The following RPTOR variants were observed in gnomAD, a reference collection of about 807,000 sequenced individuals.
The protein encoded by RPTOR is regulatory associated protein of MTOR complex 1.
Under a neutral mutation model 169.9 loss-of-function variants are expected in RPTOR, and 21 were observed. The observed-to-expected ratio is 0.12, with a 90% confidence interval of 0.09 to 0.18. RPTOR has a LOEUF of 0.18. Among genes scored for constraint, RPTOR ranks in the 10% least tolerant of loss-of-function variants. The pLI is 1.00. For synonymous variants in RPTOR, 732 were observed against 753.2 expected, an observed-to-expected ratio of 0.97 and a Z score of 0.46; for missense variants, 1,133 against 1,855.9, an observed-to-expected ratio of 0.61 and a Z score of 7.16.
intron 3 of RPTOR, among the ~76,000 whole-genome samples, chr17:80,693,588 C>T (rs2066011046): frequency 6.6e-6 from 1 of 152,190 alleles, no homozygotes; most frequent in South Asian, 2.1e-4. Context: ...TGGGCAGACA[C>T]GTGTTGAGAA....
chr17:80,782,225 C>G (rs142075080), intron 6 of RPTOR, among the ~76,000 whole-genome samples: 2 of 152,044 alleles, frequency 1.3e-5, no homozygotes, highest in Non-Finnish European at 2.9e-5. Context: ...TGTGAACACA[C>G]GTGGAAATTG....
intron 9 of RPTOR, among the ~76,000 whole-genome samples, chr17:80,828,468 C>T (rs1276746057): frequency 3.9e-5 from 6 of 152,242 alleles, no homozygotes; most frequent in Non-Finnish European, 1.5e-5. Context: ...TGGTGACTCC[C>T]ACGCTTCGAT....
intron 1 of RPTOR, among the ~76,000 whole-genome samples, chr17:80,592,286 T>G (rs2065113217): frequency 6.6e-6 from 1 of 152,136 alleles, no homozygotes; most frequent in Non-Finnish European, 1.5e-5. Context: ...TAAATACAAC[T>G]CAGGTGTGCT....
At chr17:80,710,301 G>T (rs572728763) in intron 4 of RPTOR, among the ~76,000 whole-genome samples, 1 of 152,122 alleles carries the variant, frequency 6.6e-6, no homozygotes, top group Non-Finnish European at 1.5e-5. Flanking sequence ...GCTCCCAGTT[G>T]TGCTTTTTAT....
In RPTOR at chr17:80,931,875, G is replaced by A. The variant is rs183587357; in HGVS notation, c.2919+6395G>A. On this transcript the variant is annotated intron_variant, in intron 24 of 33. Coordinates refer to ENST00000306801, the MANE Select transcript of RPTOR (RefSeq NM_020761.3). ...GGCACAGCAGTCGAGCTGTAGCAGGGGCACAGGAGCATAGAGAGAGAAGCC... is the reference window on the plus strand; with the variant it reads ...GGCACAGCAGTCGAGCTGTAGCAGGAGCACAGGAGCATAGAGAGAGAAGCC... Among the ~76,000 whole-genome samples the A allele has an allele frequency of 7.0e-3, 1,055 of 150,050 alleles. 17 individuals carry two copies. The highest frequency in any genetic ancestry group is 0.025 in the African/African-American group (1,008 of 41,074).
intron 3 of RPTOR, among the ~76,000 whole-genome samples, chr17:80,665,005 C>T (rs1453813923): frequency 6.6e-6 from 1 of 152,190 alleles, no homozygotes; most frequent in Non-Finnish European, 1.5e-5. Flanking sequence ...TCTGTATTCT[C>T]CCCACCCCTT....
intron 1 of RPTOR, among the ~76,000 whole-genome samples, chr17:80,551,354 G>C (rs1009442886): frequency 1.3e-5 from 2 of 152,116 alleles, no homozygotes; most frequent in Admixed American, 1.3e-4. Flanking sequence ...GGAGGATCCC[G>C]CCAGCCTCAG....
At chr17:80,952,055 C>T (rs1017604622) in intron 28 of RPTOR, among the ~76,000 whole-genome samples, 2 of 152,264 alleles carry the variant, frequency 1.3e-5, no homozygotes, top group Admixed American at 6.5e-5. Context: ...AGGGAGGGCC[C>T]GAGTTCCAGC....
At chr17:80,919,851 C>T (rs1050101016) in intron 21 of RPTOR, among the ~76,000 whole-genome samples, 6 of 152,352 alleles carry the variant, frequency 3.9e-5, no homozygotes, top group African/African-American at 1.4e-4. Context: ...CCTCTCTGGA[C>T]GCAGACCTCC....
intron 13 of RPTOR, among the ~76,000 whole-genome samples, chr17:80,862,481 C>G (rs534476404): frequency 6.6e-6 from 1 of 152,036 alleles, no homozygotes; most frequent in South Asian, 2.1e-4. Flanking sequence ...CCTACCCCCC[C>G]ATGATGTGTG....
chr17:80,731,658 T>C (rs2143209371), intron 5 of RPTOR, among the ~76,000 whole-genome samples: 1 of 152,356 alleles, frequency 6.6e-6, no homozygotes, highest in South Asian at 2.1e-4. Context: ...GAATGAAATA[T>C]TCTGCAGCCT....
intron 5 of RPTOR, among the ~76,000 whole-genome samples, chr17:80,747,446 A>T (rs773253486): frequency 6.6e-6 from 1 of 152,104 alleles, no homozygotes; most frequent in East Asian, 1.9e-4. Context: ...CTATACATCA[A>T]CGTACTTTGG....
intron 1 of RPTOR, among the ~76,000 whole-genome samples, chr17:80,586,995 G>A (rs990154464): frequency 5.9e-5 from 9 of 152,234 alleles, no homozygotes; most frequent in Non-Finnish European, 1.2e-4. Context: ...CATGGGCCAC[G>A]TCAGCAATGT....
In RPTOR at chr17:80,755,012, C is replaced by T. The variant is rs918102413; in HGVS notation, c.830+827C>T. 4.6e-5 allele frequency among the ~76,000 whole-genome samples: 7 copies of T among 152,148 alleles called. 1 individual carries two copies. Among genetic ancestry groups the T allele is most frequent in the Admixed American group, 2.6e-4 (4 of 15,280 alleles). The stretch of plus-strand genomic sequence containing the variant: ...CTGCCTTCTCACCCACAGCCCTGGG[C>T]GGACACGGGGAGCTAACAGCACAGC... On this transcript the variant is annotated intron_variant, in intron 6 of 33. Coordinates refer to ENST00000306801, the MANE Select transcript of RPTOR (RefSeq NM_020761.3).
rs1391926486 is a variant in RPTOR at position 80,651,185 on chromosome 17, G to C, written c.348+7375G>C. Among the ~76,000 whole-genome samples, 21 of 152,194 alleles carry C rather than the reference G, an allele frequency of 1.4e-4. No homozygotes were observed. ...AAGGACAGGCAGGTGCCAGGCGAGG[G>C]ATGGAAGTGCTGCTTCTAAGTCAGA... On this transcript the variant is annotated intron_variant, in intron 3 of 33. Coordinates refer to ENST00000306801, the MANE Select transcript of RPTOR (RefSeq NM_020761.3). This position sits in a 1 kb window ranked among gnomAD's most constrained non-coding sequence, Gnocchi z 4.1.
chr17:80,729,352 T>TA (rs2066369225), intron 4 of RPTOR, among the ~76,000 whole-genome samples: 1 of 152,248 alleles, frequency 6.6e-6, no homozygotes, highest in Admixed American at 6.5e-5. Flanking sequence ...CTTCACTACT[T>TA]ACACTCTTGA....
Position 80,659,019 on chromosome 17 carries a change from T to C in RPTOR, c.348+15209T>C, listed in dbSNP as rs1208331935. On this transcript the variant is annotated intron_variant, in intron 3 of 33. Coordinates refer to ENST00000306801, the MANE Select transcript of RPTOR (RefSeq NM_020761.3). This position sits in a 1 kb window ranked among gnomAD's most constrained non-coding sequence, Gnocchi z 4.3. ...GACTCAGCTGTTGCTGTCAGCACAG[T>C]GTGGACTTGAGGGCATGACTAGACA... 2.0e-5 allele frequency among the ~76,000 whole-genome samples: 3 copies of C among 152,124 alleles called. No individual in the cohort carries two copies. The East Asian group carries it at 5.8e-4, about 29-fold the overall frequency.
chr17:80,921,529 G>A (rs1459025225), intron 21 of RPTOR, among the ~76,000 whole-genome samples: 4 of 152,212 alleles, frequency 2.6e-5, no homozygotes, highest in Admixed American at 2.0e-4. Flanking sequence ...GGTTTCTCAC[G>A]GCTGCTCACT....
chr17:80,696,867 A>G (rs895788717), intron 3 of RPTOR, among the ~76,000 whole-genome samples: 1 of 152,184 alleles, frequency 6.6e-6, no homozygotes, highest in African/African-American at 2.4e-5. Context: ...AAGGGTGCCC[A>G]TGACCCTGAA....
Sources: allele counts gnomAD v4.1 joint callset (sites outside exome capture counted in the v4.1 genomes callset), GRCh38; gene constraint gnomAD v4.1.1; non-coding constraint Gnocchi (gnomAD v3.1); transcripts MANE v1.5; gene names NCBI Gene and HGNC (gene_info 2026-07-23, HGNC 2026-07-21).